The following ANKRD11 variants were observed in gnomAD, a reference collection of about 807,000 sequenced individuals.
ANKRD11 encodes the protein ankyrin repeat domain 11.
Under a neutral mutation model 195.7 loss-of-function variants are expected in ANKRD11, and 17 were observed. The ratio of observed to expected loss-of-function variants is 0.09; its 90% CI spans 0.06 to 0.13. ANKRD11 has a LOEUF of 0.13. ANKRD11 is among the 10% of genes least tolerant of loss of function. The pLI is 1.00. For missense variants in ANKRD11, 3,735 were observed against 3,566.1 expected (o/e 1.05, Z -1.21); for synonymous variants, 1,953 against 1,528.1 (o/e 1.28, Z -6.49).
chr16:89,434,981 C>G (rs1338642229), intron 1 of ANKRD11, among the ~76,000 whole-genome samples: 2 of 152,146 alleles, frequency 1.3e-5, no homozygotes, highest in Non-Finnish European at 2.9e-5. Context: ...CTGCTGGGAG[C>G]CCAAGACCAA....
chr16:89,447,727 G>A (rs918935696), intron 1 of ANKRD11, among the ~76,000 whole-genome samples: 5 of 151,678 alleles, frequency 3.3e-5, no homozygotes, highest in African/African-American at 1.2e-4. Context: ...GTGAGCCACC[G>A]CGCCTGGCCC....
At chr16:89,457,514 C>G (rs2056490774) in intron 1 of ANKRD11, among the ~76,000 whole-genome samples, 1 of 149,156 alleles carries the variant, frequency 6.7e-6, no homozygotes, top group Non-Finnish European at 1.5e-5. Context: ...AGAAGAATCA[C>G]TTGAACCCGG....
intron 1 of ANKRD11, among the ~76,000 whole-genome samples, chr16:89,454,161 G>A (rs575926680): frequency 6.6e-6 from 1 of 152,202 alleles, no homozygotes; most frequent in Non-Finnish European, 1.5e-5. Flanking sequence ...CCAACACAAC[G>A]ACAGCCGCGC....
intron 1 of ANKRD11, among the ~76,000 whole-genome samples, chr16:89,479,543 G>C (rs982264795): frequency 6.6e-6 from 1 of 152,070 alleles, no homozygotes; most frequent in African/African-American, 2.4e-5. Context: ...GCTGAGGCAA[G>C]AGAATCATTT....
At chr16:89,415,015 G>A (rs563131923) in intron 2 of ANKRD11, among the ~76,000 whole-genome samples, 2 of 152,160 alleles carry the variant, frequency 1.3e-5, no homozygotes, top group East Asian at 3.9e-4. Flanking sequence ...TGTGATCATA[G>A]CTCACTGCAG....
At chr16:89,463,142 T>C (rs2056757649) in intron 1 of ANKRD11, among the ~76,000 whole-genome samples, 2 of 152,178 alleles carry the variant, frequency 1.3e-5, no homozygotes, top group Admixed American at 1.3e-4. Flanking sequence ...GAGGAGCCCC[T>C]CTGCCCGGCC....
chr16:89,389,364 A>T (rs1183374077), intron 2 of ANKRD11, among the ~76,000 whole-genome samples: 1 of 152,192 alleles, frequency 6.6e-6, no homozygotes, highest in Admixed American at 6.6e-5. Flanking sequence ...CAAAAATAAA[A>T]AGTATATTGA....
rs2032972524 is a variant in ANKRD11 at position 89,269,747 on chromosome 16, C to A, written c.7806+1070G>T. Among the ~76,000 whole-genome samples, 3 of 152,144 alleles carry A rather than the reference C, an allele frequency of 2.0e-5. No individual in the cohort carries two copies. The South Asian group carries it at 6.2e-4, about 32-fold the overall frequency. The stretch of plus-strand genomic sequence containing the variant: ...GTCTCCCGGAATTACAGGCACGCAC[C>A]ACCATGCCCAGCTAATTTTTGTATT... On this transcript the variant is annotated intron_variant, in intron 12 of 12. Coordinates refer to ENST00000301030, the MANE Select transcript of ANKRD11 (RefSeq NM_013275.6).
chr16:89,305,022 G>C (rs572564153), intron 4 of ANKRD11, 184 bp downstream of exon 4: 2 of 890,792 alleles, frequency 2.2e-6, no homozygotes, highest in South Asian at 1.7e-5. Flanking sequence ...TGAGCCTCGG[G>C]TGCAAAGGAG....
At chr16:89,276,774 T>C (rs901359363) in intron 9 of ANKRD11, among the ~76,000 whole-genome samples, 2 of 152,196 alleles carry the variant, frequency 1.3e-5, no homozygotes, top group African/African-American at 4.8e-5. Flanking sequence ...ATTAATGATT[T>C]AGGCCGAGCG....
At position 89,282,472 on chromosome 16, in the gene ANKRD11, G is replaced by A. The variant is rs1336866100; in HGVS notation, c.4070C>T (p.Ser1357Phe). Residue 1357 changes from serine (S) to phenylalanine (F), a missense_variant, in exon 9 of 13, where the codon TCC becomes TTC. By Grantham distance (155) the Ser-to-Phe change is radical. Transcript: ENST00000301030. The stretch of plus-strand genomic sequence containing the variant: ...TCGCTCTCGGTCGTGGCTCTTCTTG[G>A]ATGAAGATGAGGAGTGTCTGTGCCT... ...KERHRHSSSS[S>F]KKSHDRERAK... 8 of 1,613,880 alleles carry A rather than the reference G, an allele frequency of 5.0e-6. No individual in the cohort carries two copies. Among genetic ancestry groups the A allele is most frequent in the East Asian group, 2.2e-5 (1 of 44,842 alleles).
chr16:89,369,010 A>C (rs1056886888), intron 2 of ANKRD11, among the ~76,000 whole-genome samples: 18 of 152,142 alleles, frequency 1.2e-4, no homozygotes, highest in Non-Finnish European at 2.5e-4. Context: ...GGAGTCAACC[A>C]AGATGTAAGC....
intron 1 of ANKRD11, among the ~76,000 whole-genome samples, chr16:89,481,387 G>A (rs570875272): frequency 7.9e-5 from 12 of 152,088 alleles, no homozygotes; most frequent in Admixed American, 2.6e-4. Flanking sequence ...AAGAAACATA[G>A]CGAAACCCCA....
chr16:89,480,902 C>A (rs1395307103), intron 1 of ANKRD11, among the ~76,000 whole-genome samples: 1 of 152,178 alleles, frequency 6.6e-6, no homozygotes, highest in Non-Finnish European at 1.5e-5. Flanking sequence ...CTTTCCTCAA[C>A]TGAGATGCCC....
chr16:89,274,178 G>A (rs989282277), intron 11 of ANKRD11, among the ~76,000 whole-genome samples: 5 of 152,200 alleles, frequency 3.3e-5, no homozygotes, highest in African/African-American at 7.2e-5. Flanking sequence ...GGAGAGCCAC[G>A]GGGCCCTGGC....
intron 2 of ANKRD11, among the ~76,000 whole-genome samples, chr16:89,413,009 A>G (rs1221083783): frequency 3.3e-5 from 5 of 152,066 alleles, no homozygotes; most frequent in African/African-American, 7.2e-5. Context: ...GGGAGCTCCA[A>G]TGTTCCAAAC....
At chr16:89,358,158 C>T (rs747681533) in intron 2 of ANKRD11, among the ~76,000 whole-genome samples, 4 of 152,216 alleles carry the variant, frequency 2.6e-5, no homozygotes, top group South Asian at 2.1e-4. Context: ...CACCCACCCA[C>T]GTGGCTTTGC....
chr16:89,369,949 C>T (rs148130732), intron 2 of ANKRD11, among the ~76,000 whole-genome samples: 46 of 152,328 alleles, frequency 3.0e-4, no homozygotes, highest in African/African-American at 1.1e-3. Context: ...GGGGGCCCAG[C>T]CCACCTCAAA....
chr16:89,401,832 G>C (rs137980075), intron 2 of ANKRD11, among the ~76,000 whole-genome samples: 1 of 151,826 alleles, frequency 6.6e-6, no homozygotes, highest in African/African-American at 2.4e-5. Context: ...GTGGTGATGC[G>C]TCTACAAGCC....
Sources: gnomAD v4.1 joint callset for allele counts (sites outside exome capture counted in the v4.1 genomes callset) on GRCh38, gnomAD v4.1.1 for gene constraint, MANE v1.5 for transcripts, NCBI Gene and HGNC (gene_info 2026-07-23, HGNC 2026-07-21) for gene names.